The following LRP1B variants were observed in gnomAD, a reference collection of about 807,000 sequenced individuals.
LRP1B encodes the protein LDL receptor related protein 1B.
LRP1B carries 217 observed loss-of-function variants against 556.6 expected under a neutral mutation model. The ratio of observed to expected loss-of-function variants is 0.39; its 90% CI spans 0.35 to 0.44. LRP1B has a LOEUF of 0.44. LRP1B is among the 20% of genes least tolerant of loss of function. The probability of loss-of-function intolerance (pLI) is 1.00; values close to 1 mark genes in which losing one functional copy is unlikely to be tolerated. For missense variants in LRP1B, 5,053 were observed against 5,620.8 expected, an observed-to-expected ratio of 0.90 and a Z score of 3.23; for synonymous variants, 2,047 against 1,865.8, an observed-to-expected ratio of 1.10 and a Z score of -2.50.
At chr2:141,002,994 C>T (rs1005531021) in intron 15 of LRP1B, among the ~76,000 whole-genome samples, 5 of 151,694 alleles carry the variant, frequency 3.3e-5, no homozygotes, top group Non-Finnish European at 4.4e-5. Context: ...TTCTCATGTC[C>T]GGTAGTTGGA....
intron 1 of LRP1B, among the ~76,000 whole-genome samples, chr2:142,100,398 T>C (rs887237130): frequency 2.0e-5 from 3 of 151,980 alleles, no homozygotes; most frequent in Admixed American, 2.0e-4. Flanking sequence ...CCAGAGTCAG[T>C]TCCTGAAGTG....
In LRP1B at chr2:141,589,655, T is replaced by G. The variant is rs773499449; in HGVS notation, c.206-109122A>C. Reference sequence around the variant, plus strand: ...AACACTTATAAGAGAAAAAGGCACTTGCTTAGTTGCATGGACTTTGTGGTT... The same window carrying G: ...AACACTTATAAGAGAAAAAGGCACTGGCTTAGTTGCATGGACTTTGTGGTT... On this transcript the variant is annotated intron_variant, in intron 2 of 90. Coordinates refer to ENST00000389484, the MANE Select transcript of LRP1B (RefSeq NM_018557.3). Among the ~76,000 whole-genome samples the G allele has an allele frequency of 7.9e-5, 12 of 152,160 alleles. 1 individual carries two copies. Among genetic ancestry groups the G allele is most frequent in the African/African-American group, 1.4e-4 (6 of 41,438 alleles).
At chr2:140,574,953 A>G (rs1352045) in intron 43 of LRP1B, among the ~76,000 whole-genome samples, 63,223 of 151,946 alleles carry the variant, frequency 0.42, 13,380 homozygotes, top group Middle Eastern at 0.58. Flanking sequence ...GCCCTTGCAC[A>G]TAAATAAAAT....
chr2:140,293,264 C>G (rs991402180), intron 84 of LRP1B, among the ~76,000 whole-genome samples: 2 of 152,102 alleles, frequency 1.3e-5, no homozygotes, highest in Non-Finnish European at 2.9e-5. Flanking sequence ...ATTGGTTAAC[C>G]TCATGCTTAA....
At chr2:141,037,905 AACAC>A (rs3061748) in intron 11 of LRP1B, among the ~76,000 whole-genome samples, 25,723 of 150,928 alleles carry the variant, frequency 0.17, 2,415 homozygotes, top group East Asian at 0.43. Context: ...CTCACATACA[AACAC>A]ACACACACAC....
chr2:140,952,182 G>A (rs1236626421), intron 18 of LRP1B, among the ~76,000 whole-genome samples: 1 of 152,028 alleles, frequency 6.6e-6, no homozygotes, highest in Non-Finnish European at 1.5e-5. Context: ...TTTTATGAAG[G>A]ATCATTTGGA....
chr2:141,517,367 C>A (rs907208429), intron 2 of LRP1B, among the ~76,000 whole-genome samples: 1 of 151,256 alleles, frequency 6.6e-6, no homozygotes, highest in Non-Finnish European at 1.5e-5. Flanking sequence ...TCCCCCAAGG[C>A]AAACTCCTGG....
chr2:140,683,940 A>C (rs1352661763), intron 41 of LRP1B: 2 of 409,170 alleles, frequency 4.9e-6, no homozygotes, highest in African/African-American at 4.2e-5. Context: ...GTTGTGGGCT[A>C]CGTGACGCGC....
chr2:141,162,764 CATAG>C (rs1221945655), intron 7 of LRP1B, among the ~76,000 whole-genome samples: 2 of 152,074 alleles, frequency 1.3e-5, no homozygotes, highest in Non-Finnish European at 1.5e-5. Flanking sequence ...ACAGTGCTTT[CATAG>C]ATAGTTTATC....
At chr2:140,366,629 G>A (rs1251553006) in intron 71 of LRP1B, among the ~76,000 whole-genome samples, 1 of 151,718 alleles carries the variant, frequency 6.6e-6, no homozygotes, top group South Asian at 2.1e-4. Context: ...GAAATATCTG[G>A]AAAGAGTGAT....
chr2:141,219,080 TG>T (rs1173527295), intron 6 of LRP1B, among the ~76,000 whole-genome samples: 4 of 152,202 alleles, frequency 2.6e-5, no homozygotes, highest in Non-Finnish European at 4.4e-5. Context: ...GTACATCCTG[TG>T]GATCAGGAGA....
intron 1 of LRP1B, among the ~76,000 whole-genome samples, chr2:141,887,881 C>T (rs1699173892): frequency 1.3e-5 from 2 of 152,082 alleles, no homozygotes; most frequent in African/African-American, 4.8e-5. Flanking sequence ...CAGAACAAAA[C>T]CAAAAACTAT....
intron 32 of LRP1B, among the ~76,000 whole-genome samples, chr2:140,800,436 G>A (rs1690469131): frequency 6.6e-6 from 1 of 152,106 alleles, no homozygotes; most frequent in South Asian, 2.1e-4. Flanking sequence ...TATTAACTAT[G>A]TAACTGAGCA....
chr2:140,724,733 T>C (rs937466253), intron 35 of LRP1B, among the ~76,000 whole-genome samples: 1 of 152,150 alleles, frequency 6.6e-6, no homozygotes, highest in African/African-American at 2.4e-5. Context: ...AAAAAGCTTA[T>C]GGCTGTAGGA....
chr2:140,324,794 T>C (rs1310605294), intron 80 of LRP1B, among the ~76,000 whole-genome samples: 2 of 151,852 alleles, frequency 1.3e-5, no homozygotes, highest in Non-Finnish European at 1.5e-5. Flanking sequence ...TTTTCTTTGC[T>C]GTTTCATGAA....
intron 3 of LRP1B, among the ~76,000 whole-genome samples, chr2:141,302,408 C>A (rs1258595699): frequency 6.6e-6 from 1 of 152,078 alleles, no homozygotes. Flanking sequence ...TTAATATCCT[C>A]CAGAGTTATA....
intron 1 of LRP1B, among the ~76,000 whole-genome samples, chr2:141,862,233 A>G (rs1204852912): frequency 6.6e-6 from 1 of 152,166 alleles, no homozygotes; most frequent in Non-Finnish European, 1.5e-5. Flanking sequence ...CTACACCACC[A>G]TATGTCCCTC....
intron 41 of LRP1B, among the ~76,000 whole-genome samples, chr2:140,662,469 T>C (rs1296192027): frequency 1.3e-5 from 2 of 152,028 alleles, no homozygotes; most frequent in East Asian, 3.8e-4. Context: ...AGCAATTAAA[T>C]TACACAAACA....
At chr2:141,871,368 A>G (rs1257493889) in intron 1 of LRP1B, among the ~76,000 whole-genome samples, 2 of 151,952 alleles carry the variant, frequency 1.3e-5, no homozygotes, top group Non-Finnish European at 2.9e-5. Flanking sequence ...GATTAATCTA[A>G]TTTCTTGCAT....
Sources: gnomAD v4.1 joint callset for allele counts (sites outside exome capture counted in the v4.1 genomes callset) on GRCh38, gnomAD v4.1.1 for gene constraint, MANE v1.5 for transcripts, NCBI Gene and HGNC (gene_info 2026-07-23, HGNC 2026-07-21) for gene names.